The following UGT2B7 variants were observed in gnomAD, a reference collection of about 807,000 sequenced individuals.
UGT2B7 encodes UDP-glucuronosyltransferase 2B7.
UGT2B7 carries 51 observed loss-of-function variants against 51.9 expected under a neutral mutation model. The observed-to-expected ratio is 0.98, with a 90% CI of 0.78 to 1.24. The LOEUF is 1.24. Among genes scored for constraint, UGT2B7 ranks in the 50% most tolerant of loss-of-function variants. UGT2B7 has a pLI of 0.00. For missense variants in UGT2B7, 727 were observed against 628.4 expected (o/e 1.16, Z -1.68); for synonymous variants, 225 against 211.6 (o/e 1.06, Z -0.55).
intron 1 of UGT2B7, among the ~76,000 whole-genome samples, chr4:69,056,855 G>A (rs891206691): frequency 6.6e-6 from 1 of 152,058 alleles, no homozygotes; most frequent in Non-Finnish European, 1.5e-5. Flanking sequence ...TCAAAAGGGG[G>A]GAATGAAGGA....
upstream of UGT2B7, among the ~76,000 whole-genome samples, chr4:69,091,618 T>C (rs1028842207): frequency 6.6e-6 from 1 of 152,190 alleles, no homozygotes; most frequent in African/African-American, 2.4e-5. Flanking sequence ...TCTTAATCTC[T>C]GTGAGCAGTG....
chr4:69,095,954 A>G (rs549861239), upstream of UGT2B7, among the ~76,000 whole-genome samples: 1 of 152,286 alleles, frequency 6.6e-6, no homozygotes, highest in East Asian at 1.9e-4. Flanking sequence ...TGCAGAAACT[A>G]GGGGTGGAGA....
At chr4:69,077,302 T>G (rs1477712967) in intron 1 of UGT2B7, among the ~76,000 whole-genome samples, 1 of 152,172 alleles carries the variant, frequency 6.6e-6, no homozygotes, top group Non-Finnish European at 1.5e-5. Flanking sequence ...AAGTATTTTT[T>G]TTTTCCAATT....
At chr4:69,109,714 A>G (rs1719718451) in intron 5 of UGT2B7, among the ~76,000 whole-genome samples, 1 of 149,696 alleles carries the variant, frequency 6.7e-6, no homozygotes, top group South Asian at 2.1e-4. Context: ...AGCACAAAAA[A>G]TATAATTTTA....
intron 1 of UGT2B7, among the ~76,000 whole-genome samples, chr4:69,082,039 C>T (rs1315355264): frequency 2.0e-5 from 3 of 152,034 alleles, no homozygotes; most frequent in Admixed American, 2.0e-4. Context: ...ACTATTATAT[C>T]TGTCCTGGTG....
chr4:69,103,821 A>C (rs1445460768), intron 3 of UGT2B7, among the ~76,000 whole-genome samples: 1 of 152,210 alleles, frequency 6.6e-6, no homozygotes, highest in Non-Finnish European at 1.5e-5. Context: ...GCTTGTATAA[A>C]ATACGTGACA....
intron 1 of UGT2B7, among the ~76,000 whole-genome samples, chr4:69,074,066 T>G (rs1307660718): frequency 6.6e-6 from 1 of 152,170 alleles, no homozygotes; most frequent in South Asian, 2.1e-4. Flanking sequence ...TCATTTTGTC[T>G]AGGCATGGTG....
intron 1 of UGT2B7, among the ~76,000 whole-genome samples, chr4:69,078,273 G>A (rs566928227): frequency 5.8e-4 from 88 of 152,030 alleles, no homozygotes; most frequent in Non-Finnish European, 6.5e-4. Context: ...TCTTGTTGTG[G>A]TTCTGCCAGG....
intron 1 of UGT2B7, among the ~76,000 whole-genome samples, chr4:69,063,887 C>A (rs530858717): frequency 4.9e-4 from 75 of 151,948 alleles, no homozygotes; most frequent in Non-Finnish European, 9.4e-4. Flanking sequence ...CACCTCCACT[C>A]CACTGATGGC....
At chr4:69,089,289 T>C (rs886849271) in intron 1 of UGT2B7, among the ~76,000 whole-genome samples, 1 of 152,198 alleles carries the variant, frequency 6.6e-6, no homozygotes, top group Non-Finnish European at 1.5e-5. Context: ...ATAATTACTA[T>C]GTATTGAAGC....
At chr4:69,086,890 C>T (rs2109876978) in intron 1 of UGT2B7, among the ~76,000 whole-genome samples, 1 of 151,986 alleles carries the variant, frequency 6.6e-6, no homozygotes, top group Non-Finnish European at 1.5e-5. Context: ...GGCAACAATA[C>T]AGTTGAGTTT....
In UGT2B7 at chr4:69,108,283, A is replaced by T. The variant is rs1353438145; in HGVS notation, c.1271A>T (p.Asp424Val). 1 of 1,613,632 alleles carries T rather than the reference A, an allele frequency of 6.2e-7. No homozygotes were observed. Among genetic ancestry groups the T allele is most frequent in the South Asian group, 1.1e-5 (1 of 91,072 alleles). ...RVDFNTMSST[D>V]LLNALKRVIN... ...GACTTCAACACAATGTCGAGTACAG[A>T]CTTGCTGAATGCATTGAAGAGAGTA... The change falls in exon 5 of 6, where the codon GAC (aspartate) becomes GTC (valine). Residue 424 changes from aspartate (D) to valine (V), a missense_variant. By Grantham distance (152) the Asp-to-Val change is radical. Transcript: ENST00000305231.
intron 5 of UGT2B7, among the ~76,000 whole-genome samples, chr4:69,108,911 C>T (rs552254933): frequency 1.5e-4 from 23 of 152,172 alleles, no homozygotes; most frequent in Admixed American, 3.3e-4. Context: ...TTCCTATGAC[C>T]GCTTAGCCCT....
chr4:69,064,822 A>G (rs1160675471), intron 1 of UGT2B7, among the ~76,000 whole-genome samples: 1 of 152,214 alleles, frequency 6.6e-6, no homozygotes, highest in Non-Finnish European at 1.5e-5. Flanking sequence ...TATAAACAAT[A>G]TACAGGACAG....
At position 69,098,704 on chromosome 4, in the gene UGT2B7, T is replaced by C. The variant is rs1314434734; in HGVS notation, c.870+16T>C. 2 of 1,603,580 alleles carry C rather than the reference T, an allele frequency of 1.2e-6. No individual in the cohort carries two copies. Among genetic ancestry groups the C allele is most frequent in the African/African-American group, 2.7e-5 (2 of 73,868 alleles). On this transcript the variant is annotated intron_variant, in intron 2 of 5. Transcript: ENST00000305231. ...CCTGCCTAAGGTAAACATACTTTTGTTGGTTTTATTTTGTTGGCTTTGAAT... is the reference window on the plus strand; with the variant it reads ...CCTGCCTAAGGTAAACATACTTTTGCTGGTTTTATTTTGTTGGCTTTGAAT...
intron 1 of UGT2B7, among the ~76,000 whole-genome samples, chr4:69,087,334 A>G (rs1577916842): frequency 1.3e-5 from 2 of 152,056 alleles, no homozygotes; most frequent in South Asian, 2.1e-4. Flanking sequence ...ATTTTGACAT[A>G]ATTTTGTCTT....
At chr4:69,090,544 T>A (rs1719063849) in intron 2 of UGT2B7, among the ~76,000 whole-genome samples, 1 of 151,992 alleles carries the variant, frequency 6.6e-6, no homozygotes. Flanking sequence ...GACAACTAAC[T>A]ATCCAAAAAC....
intron 1 of UGT2B7, among the ~76,000 whole-genome samples, chr4:69,088,053 C>A (rs530652986): frequency 3.9e-5 from 6 of 152,002 alleles, no homozygotes; most frequent in South Asian, 4.1e-4. Flanking sequence ...CCTTTAAGAA[C>A]TCCTATTATA....
Position 69,084,237 on chromosome 4 carries a change from A to C in UGT2B7, c.-158-5235A>C, listed in dbSNP as rs142590710. 6.3e-3 allele frequency among the ~76,000 whole-genome samples: 955 copies of C among 151,518 alleles called. 10 individuals are homozygous for C. Among genetic ancestry groups the C allele is most frequent in the African/African-American group, 0.022 (914 of 41,300 alleles). On this transcript the variant is annotated intron_variant, in intron 1 of 5. Coordinates refer to the UGT2B7 transcript ENST00000502942. Reference sequence around the variant, plus strand: ...CTGGGATAAATCCCAGTTCCTCATCATGTATAATCTTTTTGATGTGTTGTT... The same window carrying C: ...CTGGGATAAATCCCAGTTCCTCATCCTGTATAATCTTTTTGATGTGTTGTT...
Sources: allele counts gnomAD v4.1 joint callset (sites outside exome capture counted in the v4.1 genomes callset), GRCh38; gene constraint gnomAD v4.1.1; transcripts MANE v1.5; gene names NCBI Gene and HGNC (gene_info 2026-07-23, HGNC 2026-07-21).